Variants in MARCHF6 observed in about 807,000 individuals in gnomAD.
The protein encoded by MARCHF6 is membrane associated ring-CH-type finger 6, also known as E3 ubiquitin-protein ligase MARCHF6.
A neutral mutation model predicts 133.7 loss-of-function variants in MARCHF6; 31 were observed. The ratio of observed to expected loss-of-function variants is 0.23; its 90% CI spans 0.17 to 0.31. MARCHF6 has a LOEUF of 0.31. Ranked by LOEUF, MARCHF6 falls within the 10% of genes least tolerant of loss-of-function variation. The pLI is 1.00. For missense variants in MARCHF6, 723 were observed against 1,121.6 expected, an observed-to-expected ratio of 0.64 and a Z score of 5.08; for synonymous variants, 395 against 402.5, an observed-to-expected ratio of 0.98 and a Z score of 0.22.
chr5:10,382,404 T>G (rs1347192260), intron 4 of MARCHF6, among the ~76,000 whole-genome samples: 1 of 149,322 alleles, frequency 6.7e-6, no homozygotes, highest in Admixed American at 6.7e-5. Flanking sequence ...GAGGCGGAGG[T>G]TGCAGTGAAC....
intron 1 of MARCHF6, among the ~76,000 whole-genome samples, chr5:10,377,282 G>T (rs1158192703): frequency 1.3e-5 from 2 of 152,152 alleles, no homozygotes; most frequent in African/African-American, 4.8e-5. Flanking sequence ...TAAAGTGTGT[G>T]TATGTGTGTG....
chr5:10,364,183 C>T (rs1274358967), intron 1 of MARCHF6, among the ~76,000 whole-genome samples: 1 of 152,152 alleles, frequency 6.6e-6, no homozygotes, highest in African/African-American at 2.4e-5. Flanking sequence ...GAATGACTGA[C>T]CGTACCAAGT....
chr5:10,424,007 G>A (rs1312212398), intron 23 of MARCHF6, among the ~76,000 whole-genome samples, 183 bp downstream of exon 23: 1 of 151,048 alleles, frequency 6.6e-6, no homozygotes, highest in African/African-American at 2.4e-5. Flanking sequence ...TGTAGGGGAG[G>A]AAAATAATTT....
At chr5:10,417,686 TAGCCTGG>T (rs1007244365) in intron 22 of MARCHF6, among the ~76,000 whole-genome samples, 14 of 121,722 alleles carry the variant, frequency 1.2e-4, no homozygotes, top group African/African-American at 4.7e-4. Flanking sequence ...CACTGCACTG[TAGCCTGG>T]GCAACAGAGT....
intron 1 of MARCHF6, among the ~76,000 whole-genome samples, chr5:10,354,272 C>T (rs1049492010): frequency 2.6e-5 from 4 of 152,202 alleles, no homozygotes. Flanking sequence ...TTTCCGCACC[C>T]TTCCCCCACT....
chr5:10,409,130 G>A (rs1029275763), intron 17 of MARCHF6, among the ~76,000 whole-genome samples: 1 of 151,974 alleles, frequency 6.6e-6, no homozygotes, highest in African/African-American at 2.4e-5. Context: ...CTCTTATTTG[G>A]ATCTTAATGC....
intron 23 of MARCHF6, among the ~76,000 whole-genome samples, chr5:10,425,810 T>C (rs373385267): frequency 1.3e-5 from 2 of 152,238 alleles, no homozygotes; most frequent in African/African-American, 4.8e-5. Flanking sequence ...TGCATTACTC[T>C]TGTAGAATTT....
intron 4 of MARCHF6, among the ~76,000 whole-genome samples, chr5:10,382,565 C>T (rs1297540523): frequency 6.7e-6 from 1 of 150,132 alleles, no homozygotes; most frequent in Non-Finnish European, 1.5e-5. Flanking sequence ...TGGTGACTCA[C>T]GCCTGTAATC....
chr5:10,425,226 T>G (rs551760921), intron 23 of MARCHF6, among the ~76,000 whole-genome samples: 2 of 152,138 alleles, frequency 1.3e-5, no homozygotes, highest in Non-Finnish European at 1.5e-5. Context: ...GCAGTGTGTT[T>G]GTGTGTGTCT....
intron 7 of MARCHF6, among the ~76,000 whole-genome samples, chr5:10,393,721 C>CT (rs1386699284): frequency 6.6e-6 from 1 of 152,188 alleles, no homozygotes; most frequent in African/African-American, 2.4e-5. Context: ...TGTCTTTCTA[C>CT]TACCCATATC....
chr5:10,380,731 G>A (rs1451508145), intron 3 of MARCHF6, among the ~76,000 whole-genome samples: 4 of 152,074 alleles, frequency 2.6e-5, no homozygotes, highest in African/African-American at 9.7e-5. Flanking sequence ...TTTGAGGCTA[G>A]CCTGGCCAAC....
At chr5:10,401,266 A>G (rs1738521184) in intron 11 of MARCHF6, 1 of 156,936 alleles carries the variant, frequency 6.4e-6, no homozygotes, top group Non-Finnish European at 1.4e-5. Flanking sequence ...TTTAGTTTTG[A>G]CATTTTATCA....
At chr5:10,422,702 C>T (rs993861952) in intron 22 of MARCHF6, among the ~76,000 whole-genome samples, 6 of 141,398 alleles carry the variant, frequency 4.2e-5, no homozygotes, top group East Asian at 3.9e-4. Flanking sequence ...CTTAGAATAA[C>T]CAATCAAACC....
chr5:10,423,325 C>G (rs1011024478), intron 22 of MARCHF6, among the ~76,000 whole-genome samples: 1 of 152,098 alleles, frequency 6.6e-6, no homozygotes, highest in African/African-American at 2.4e-5. Context: ...ATCTGTGAGC[C>G]TTTAGAATGG....
chr5:10,405,251 G>C (rs1348909631), intron 15 of MARCHF6, among the ~76,000 whole-genome samples: 5 of 151,966 alleles, frequency 3.3e-5, no homozygotes, highest in Admixed American at 3.3e-4. Context: ...TTTTACGATA[G>C]TAATGGTTGT....
At position 10,437,168 on chromosome 5, in the gene MARCHF6, G is replaced by A. The variant is rs1740687713; in HGVS notation, c.*3484G>A. ...AATGTAGTGCCATAAGAACACTGGC[G>A]CTTTTTAAAACTTTCCAAGCTAGCT... is the stretch of plus-strand genomic sequence containing the variant. On this transcript the variant is annotated 3_prime_UTR_variant, in exon 26 of 26. Transcript: ENST00000274140. 1.3e-5 allele frequency: 2 copies of A among 152,210 alleles called. No individual in the cohort carries two copies. Among genetic ancestry groups the A allele is most frequent in the Non-Finnish European group, 2.9e-5 (2 of 68,038 alleles). The allele number at this position is 152,210 out of a possible 1,614,324, so 9.4% of individuals were successfully genotyped here. A position where few individuals can be genotyped will look rare whatever the true frequency, so the allele number is the denominator to read the frequency against.
intron 4 of MARCHF6, 36 bp from the exon 5 acceptor site, chr5:10,386,958 G>A (rs1737516244): frequency 6.5e-7 from 1 of 1,548,840 alleles, no homozygotes; most frequent in Non-Finnish European, 8.9e-7. Flanking sequence ...CATGATGCGA[G>A]TTGTGACTGT....
Position 10,434,662 on chromosome 5 carries a change from G to A in MARCHF6, c.*978G>A, listed in dbSNP as rs960800241. 1 of 152,502 alleles carries A rather than the reference G, an allele frequency of 6.6e-6. No homozygotes were observed. The highest frequency in any genetic ancestry group is 1.5e-5 in the Non-Finnish European group (1 of 68,028). The allele number at this position is 152,502 out of a possible 1,614,324, so 9.4% of individuals were successfully genotyped here. A position where few individuals can be genotyped will look rare whatever the true frequency, so the allele number is the denominator to read the frequency against. On this transcript the variant is annotated 3_prime_UTR_variant, in exon 26 of 26. Coordinates refer to ENST00000274140, the MANE Select transcript of MARCHF6 (RefSeq NM_005885.4). Reference sequence around the variant, plus strand: ...ATGCTTGTGAAGTATAGATGTGGTTGTGGTCTTAGATTGACAGCATTAGAG... The same window carrying A: ...ATGCTTGTGAAGTATAGATGTGGTTATGGTCTTAGATTGACAGCATTAGAG...
chr5:10,354,294 T>G (rs1394270703), intron 1 of MARCHF6, among the ~76,000 whole-genome samples: 1 of 152,136 alleles, frequency 6.6e-6, no homozygotes, highest in African/African-American at 2.4e-5. Context: ...GGTTTTGTCT[T>G]TCTTTACGTC....
Sources: allele counts gnomAD v4.1 joint callset (sites outside exome capture counted in the v4.1 genomes callset), GRCh38; gene constraint gnomAD v4.1.1; transcripts MANE v1.5; gene names NCBI Gene and HGNC (gene_info 2026-07-23, HGNC 2026-07-21).